TEC: variants seen among roughly 807,000 people sequenced by gnomAD.
TEC encodes the protein tec protein tyrosine kinase.
TEC carries 72 observed loss-of-function variants against 93.0 expected under a neutral mutation model. That is an observed-to-expected ratio of 0.77 (90% confidence interval 0.64 to 0.94). The LOEUF (loss-of-function observed/expected upper bound fraction) is 0.94. Among genes scored for constraint, TEC ranks in the 40% least tolerant of loss-of-function variants. The probability of loss-of-function intolerance (pLI) is 0.00; values close to 1 mark genes in which losing one functional copy is unlikely to be tolerated. For synonymous variants in TEC, 249 were observed against 247.7 expected (o/e 1.01, Z -0.05); for missense variants, 630 against 757.9 (o/e 0.83, Z 1.98).
At chr4:48,226,406 C>T (rs1723463419) in intron 2 of TEC, among the ~76,000 whole-genome samples, 1 of 147,584 alleles carries the variant, frequency 6.8e-6, no homozygotes, top group South Asian at 2.2e-4. Flanking sequence ...TCAACCTCCT[C>T]CACATCTTCC....
chr4:48,167,906 T>C lies in TEC; in HGVS notation c.543A>G (p.Glu181=). 3.7e-6 allele frequency: 6 copies of C among 1,613,948 alleles called. No homozygotes were observed. Among genetic ancestry groups the C allele is most frequent in the Non-Finnish European group, 5.1e-6 (6 of 1,179,916 alleles). Residue 181 remains glutamate (E), a synonymous_variant, in exon 7 of 18, where the codon GAA becomes GAG. Coordinates refer to ENST00000381501, the MANE Select transcript of TEC (RefSeq NM_003215.3). ...PIPLEEEDNS[E]EIVVAMYDFQ... is the part of the protein sequence containing the mutation. Reference sequence around the variant, plus strand: ...AATCATACATGGCTACAACGATTTCTTCACTATTATCTTCTTCTTCTAGTG... The same window carrying C: ...AATCATACATGGCTACAACGATTTCCTCACTATTATCTTCTTCTTCTAGTG...
intron 8 of TEC, among the ~76,000 whole-genome samples, chr4:48,157,223 C>T (rs1360638291): frequency 6.6e-6 from 1 of 152,182 alleles, no homozygotes; most frequent in Non-Finnish European, 1.5e-5. Flanking sequence ...GTAATTCAAA[C>T]TAAATCTTAT....
In TEC at chr4:48,214,954, A is replaced by G. The variant is rs1723023496; in HGVS notation, c.138+13523T>C. ...GGTGACAAGAAGTGAGGAATTCAAG[A>G]CCAGCCTGACTAACATGGCAAAACC... On this transcript the variant is annotated intron_variant, in intron 2 of 17. Transcript: ENST00000381501. 2.0e-5 allele frequency among the ~76,000 whole-genome samples: 3 copies of G among 152,122 alleles called. No individual in the cohort carries two copies. The South Asian group carries it at 6.2e-4, about 32-fold the overall frequency.
chr4:48,200,048 A>G (rs2109594534), intron 2 of TEC, among the ~76,000 whole-genome samples: 1 of 152,368 alleles, frequency 6.6e-6, no homozygotes, highest in South Asian at 2.1e-4. Context: ...GATAGGTGGT[A>G]CAAAGTAAAA....
chr4:48,243,614 TA>T (rs1273166339), intron 1 of TEC, among the ~76,000 whole-genome samples: 1 of 152,234 alleles, frequency 6.6e-6, no homozygotes, highest in Non-Finnish European at 1.5e-5. Flanking sequence ...ACATGGCCAT[TA>T]AGATACTCAT....
chr4:48,212,617 T>G (rs1037284856), intron 2 of TEC, among the ~76,000 whole-genome samples: 1 of 152,202 alleles, frequency 6.6e-6, no homozygotes, highest in African/African-American at 2.4e-5. Context: ...TTCTGTGGGA[T>G]CTGTGCTATG....
chr4:48,223,318 TA>T (rs1388907872), intron 2 of TEC, among the ~76,000 whole-genome samples: 2 of 152,190 alleles, frequency 1.3e-5, no homozygotes, highest in East Asian at 3.8e-4. Flanking sequence ...ATGAAACTTT[TA>T]AAATGTTATC....
Position 48,236,615 on chromosome 4 carries a change from A to T in TEC, c.-45-7956T>A, listed in dbSNP as rs545613266. 7.9e-5 allele frequency among the ~76,000 whole-genome samples: 12 copies of T among 152,326 alleles called. No homozygotes were observed. In the South Asian group the frequency reaches 2.5e-3, roughly 32 times the overall value. On this transcript the variant is annotated intron_variant, in intron 1 of 17. Coordinates refer to ENST00000381501, the MANE Select transcript of TEC (RefSeq NM_003215.3). ...CTTTTTTAAATAAAACTCGACTGCA[A>T]CATAAACCCCTTTTCTATCTCATTG...
chr4:48,163,938 A>G (rs995237779), intron 7 of TEC, among the ~76,000 whole-genome samples, 171 bp from the exon 8 acceptor site: 2 of 152,246 alleles, frequency 1.3e-5, no homozygotes, highest in Middle Eastern at 3.2e-3. Flanking sequence ...CATTTTACAA[A>G]GTACTTTCAC....
chr4:48,231,050 A>G (rs932583282), intron 1 of TEC, among the ~76,000 whole-genome samples: 4 of 152,206 alleles, frequency 2.6e-5, no homozygotes, highest in Admixed American at 2.6e-4. Flanking sequence ...ATTAGAATCT[A>G]GGGAATTTCA....
intron 2 of TEC, among the ~76,000 whole-genome samples, chr4:48,211,858 G>A (rs1722910797): frequency 6.6e-6 from 1 of 152,006 alleles, no homozygotes; most frequent in South Asian, 2.1e-4. Context: ...AGCACTTTGG[G>A]AGGCCGAGGT....
chr4:48,170,440 A>G, intron 4 of TEC, 64 bp from the exon 5 acceptor site: 4 of 1,123,466 alleles, frequency 3.6e-6, no homozygotes, highest in Admixed American at 2.3e-5. Flanking sequence ...TGTTTCATAA[A>G]TAACAGTGTC....
intron 8 of TEC, among the ~76,000 whole-genome samples, chr4:48,163,269 CTT>C: frequency 6.6e-6 from 1 of 152,256 alleles, no homozygotes; most frequent in South Asian, 2.1e-4. Context: ...ATGATTCTAT[CTT>C]TTCAAAAATA....
Position 48,228,661 on chromosome 4 carries a change from T to C in TEC, c.-45-2A>G, listed in dbSNP as rs1253890828. On this transcript the variant is annotated splice_acceptor_variant, in intron 1 of 17. Coordinates refer to ENST00000381501, the MANE Select transcript of TEC (RefSeq NM_003215.3). LOFTEE classifies it low-confidence loss of function (5UTR_SPLICE). ...CCTGCCACTGAAGATCCCAGTATTCTACAGTGAAAAAAGAAACAGTTAAAA... is the reference window on the plus strand; with the variant it reads ...CCTGCCACTGAAGATCCCAGTATTCCACAGTGAAAAAAGAAACAGTTAAAA... The C allele has an allele frequency of 1.9e-6, 3 of 1,569,362 alleles. No homozygotes were observed. The Admixed American group carries it at 6.2e-5, about 33-fold the overall frequency.
Position 48,163,687 on chromosome 4 carries a change from TA to T in TEC, c.737+14del. 1.4e-6 allele frequency: 2 copies of T among 1,417,562 alleles called. No homozygotes were observed. Among genetic ancestry groups the T allele is most frequent in the South Asian group, 1.4e-5 (1 of 71,948 alleles). 87.8% of individuals were successfully genotyped at this position (1,417,562 alleles called of 1,614,324 possible). ...TTTCTGATTTTCCACATTCACAAAA[TA>T]AACATTTACTTACTCATATTGATCT... On this transcript the variant is annotated intron_variant, in intron 8 of 17. Coordinates refer to ENST00000381501, the MANE Select transcript of TEC (RefSeq NM_003215.3).
At chr4:48,229,792 G>T (rs1723591988) in intron 1 of TEC, among the ~76,000 whole-genome samples, 1 of 150,426 alleles carries the variant, frequency 6.6e-6, no homozygotes, top group Non-Finnish European at 1.5e-5. Context: ...ATAATAAATA[G>T]GCTGAGCGTG....
At chr4:48,200,253 A>T (rs1251652593) in intron 2 of TEC, among the ~76,000 whole-genome samples, 1 of 150,772 alleles carries the variant, frequency 6.6e-6, no homozygotes, top group Non-Finnish European at 1.5e-5. Flanking sequence ...GGTACCTTCG[A>T]GGAACTGAAA....
chr4:48,150,555 G>A (rs1253890717), intron 10 of TEC, among the ~76,000 whole-genome samples: 1 of 152,072 alleles, frequency 6.6e-6, no homozygotes, highest in East Asian at 1.9e-4. Flanking sequence ...CCTACTGGTG[G>A]GCAGGGTCTC....
At chr4:48,211,965 G>A (rs1344748671) in intron 2 of TEC, among the ~76,000 whole-genome samples, 2 of 151,490 alleles carry the variant, frequency 1.3e-5, no homozygotes, top group African/African-American at 4.9e-5. Context: ...CAGGCGTGGT[G>A]GCACGCACCT....
Sources: gnomAD v4.1 joint callset for allele counts (sites outside exome capture counted in the v4.1 genomes callset) on GRCh38, gnomAD v4.1.1 for gene constraint, MANE v1.5 for transcripts, NCBI Gene and HGNC (gene_info 2026-07-23, HGNC 2026-07-21) for gene names.